Variants in OSBPL9 observed in about 807,000 individuals in gnomAD.
OSBPL9 encodes oxysterol binding protein like 9.
In OSBPL9, 40 loss-of-function variants were observed where a neutral mutation model predicts 106.6. The observed-to-expected ratio is 0.38, with a 90% CI of 0.29 to 0.49. The LOEUF is 0.49. Ranked by LOEUF, OSBPL9 falls within the 20% of genes least tolerant of loss-of-function variation. The probability of loss-of-function intolerance (pLI) is 0.97; values close to 1 mark genes in which losing one functional copy is unlikely to be tolerated. For synonymous variants in OSBPL9, 269 were observed against 295.4 expected, an observed-to-expected ratio of 0.91 and a Z score of 0.92; for missense variants, 609 against 887.2, an observed-to-expected ratio of 0.69 and a Z score of 3.98.
upstream of OSBPL9, among the ~76,000 whole-genome samples, chr1:51,573,586 C>T (rs1411141120): frequency 1.4e-5 from 2 of 145,768 alleles, no homozygotes; most frequent in African/African-American, 2.6e-5. Context: ...GAGGCTAAGG[C>T]GGGCAGATCA....
chr1:51,632,211 G>A (rs990978382), intron 1 of OSBPL9, among the ~76,000 whole-genome samples: 48 of 152,108 alleles, frequency 3.2e-4, no homozygotes, highest in African/African-American at 1.1e-3. Flanking sequence ...ATTATGTACT[G>A]TACATAATTG....
chr1:51,765,412 T>C (rs560882585), intron 11 of OSBPL9: 62 of 153,822 alleles, frequency 4.0e-4, no homozygotes, highest in Non-Finnish European at 7.2e-4. Flanking sequence ...TAATATTCTT[T>C]TCATTTTGCA....
intron 18 of OSBPL9, 31 bp downstream of exon 18, chr1:51,784,056 T>C: frequency 6.4e-7 from 1 of 1,550,608 alleles, no homozygotes; most frequent in Non-Finnish European, 8.9e-7. Flanking sequence ...TGGACTACAA[T>C]GTTATAGGAG....
At chr1:51,519,213 G>A in the OSBPL9 span, 3 of 1,419,530 alleles carry the variant, frequency 2.1e-6, no homozygotes, top group Non-Finnish European at 2.8e-6. Flanking sequence ...GTCAGAGAGA[G>A]CTGGGCCGCC....
chr1:51,735,451 T>C (rs1194288585), intron 4 of OSBPL9, among the ~76,000 whole-genome samples: 2 of 152,080 alleles, frequency 1.3e-5, no homozygotes, highest in Non-Finnish European at 2.9e-5. Context: ...AGTACTGCTT[T>C]ACCCCTCCCA....
At chr1:51,625,650 A>G (rs1644724231) in intron 1 of OSBPL9, among the ~76,000 whole-genome samples, 2 of 151,920 alleles carry the variant, frequency 1.3e-5, no homozygotes, top group Admixed American at 1.3e-4. Flanking sequence ...CAGCCTCCTG[A>G]GTAGCTGGGA....
chr1:51,784,420 C>T (rs1677120470), intron 19 of OSBPL9, 22 bp from the exon 20 acceptor site: 1 of 1,613,760 alleles, frequency 6.2e-7, no homozygotes. Flanking sequence ...TCAACCTTAC[C>T]TAAAAACTTT....
intron 3 of OSBPL9, among the ~76,000 whole-genome samples, chr1:51,708,396 G>C (rs1000794916): frequency 6.6e-6 from 1 of 151,118 alleles, no homozygotes; most frequent in Non-Finnish European, 1.5e-5. Context: ...GAAATATTCT[G>C]TGTTCTGCTT....
intron 2 of OSBPL9, among the ~76,000 whole-genome samples, chr1:51,666,646 G>A (rs1319936311): frequency 6.6e-6 from 1 of 152,126 alleles, no homozygotes. Flanking sequence ...GCCAGCTATT[G>A]CACTGAACTC....
chr1:51,636,717 A>G (rs183989001), intron 1 of OSBPL9, among the ~76,000 whole-genome samples: 1 of 152,270 alleles, frequency 6.6e-6, no homozygotes, highest in East Asian at 1.9e-4. Flanking sequence ...TGGGAGGCCA[A>G]GGTGAGAGGA....
At chr1:51,697,923 T>C (rs1339349775) in intron 3 of OSBPL9, among the ~76,000 whole-genome samples, 2 of 151,844 alleles carry the variant, frequency 1.3e-5, no homozygotes, top group African/African-American at 4.8e-5. Context: ...AATTGTTCTC[T>C]GGATTAGTAG....
At chr1:51,785,765 T>G in intron 20 of OSBPL9, 43 bp from the exon 21 acceptor site, 1 of 1,567,670 alleles carries the variant, frequency 6.4e-7, no homozygotes, top group Non-Finnish European at 8.8e-7. Flanking sequence ...TTTGGTAGAA[T>G]TTTCAACTTG....
intron 3 of OSBPL9, among the ~76,000 whole-genome samples, chr1:51,683,273 C>T (rs1571048575): frequency 3.3e-5 from 5 of 152,092 alleles, no homozygotes; most frequent in Non-Finnish European, 1.5e-5. Flanking sequence ...CTCCATCTCC[C>T]GAGTTCAAGC....
In OSBPL9 at chr1:51,739,288, T is replaced by A. The variant is rs547523787; in HGVS notation, c.319-6248T>A. Reference sequence around the variant, plus strand: ...GCTGGATGATTTGGGTAAGCACTTATAAAACAGGTTTAATATCTGTCTACC... The same window carrying A: ...GCTGGATGATTTGGGTAAGCACTTAAAAAACAGGTTTAATATCTGTCTACC... On this transcript the variant is annotated intron_variant, in intron 4 of 23. Transcript: ENST00000428468. Among the ~76,000 whole-genome samples, 12 of 152,140 alleles carry A rather than the reference T, an allele frequency of 7.9e-5. No individual in the cohort carries two copies. In the East Asian group the frequency reaches 2.3e-3, roughly 29 times the overall value.
intron 1 of OSBPL9, among the ~76,000 whole-genome samples, chr1:51,640,626 G>C (rs1645729198): frequency 6.6e-6 from 1 of 152,058 alleles, no homozygotes; most frequent in Non-Finnish European, 1.5e-5. Flanking sequence ...GCTTGAATTG[G>C]GACTGAATGG....
intron 4 of OSBPL9, among the ~76,000 whole-genome samples, chr1:51,727,465 A>G (rs1380728376): frequency 6.6e-6 from 1 of 152,168 alleles, no homozygotes; most frequent in Non-Finnish European, 1.5e-5. Flanking sequence ...TAGGATCCTC[A>G]CTTCGTTAAG....
chr1:51,783,898 T>C lies in OSBPL9; in HGVS notation c.1514-17T>C, dbSNP rs1386946891. 7 of 1,567,858 alleles carry C rather than the reference T, an allele frequency of 4.5e-6. No homozygotes were observed. In the East Asian group the frequency reaches 1.6e-4, roughly 35 times the overall value. On this transcript the variant is annotated splice_polypyrimidine_tract_variant and intron_variant, in intron 17 of 23. Coordinates refer to ENST00000428468, the MANE Select transcript of OSBPL9 (RefSeq NM_024586.6). ...CTGTAGGTATATATAATCTACTAAT[T>C]GAAAATTTCTATTCAGTTTCAGCCT...
intron 2 of OSBPL9, among the ~76,000 whole-genome samples, chr1:51,600,628 G>A (rs551847679): frequency 6.6e-6 from 1 of 152,228 alleles, no homozygotes; most frequent in Admixed American, 6.5e-5. Context: ...TGTGCCTAAT[G>A]GGTAAGTCAG....
chr1:51,558,369 CAAA>C, the OSBPL9 span, among the ~76,000 whole-genome samples: 3 of 152,200 alleles, frequency 2.0e-5, no homozygotes, highest in East Asian at 5.8e-4. Flanking sequence ...TGTAAACTAA[CAAA>C]ATAGAAATTA....
Sources: gnomAD v4.1 joint callset for allele counts (sites outside exome capture counted in the v4.1 genomes callset) on GRCh38, gnomAD v4.1.1 for gene constraint, MANE v1.5 for transcripts, NCBI Gene and HGNC (gene_info 2026-07-23, HGNC 2026-07-21) for gene names.